The following LIPG variants were observed in gnomAD, a reference collection of about 807,000 sequenced individuals.
LIPG encodes endothelial lipase.
Under a neutral mutation model 51.8 loss-of-function variants are expected in LIPG, and 34 were observed. The ratio of observed to expected loss-of-function variants is 0.66; its 90% CI spans 0.50 to 0.87. LIPG has a LOEUF of 0.87. LIPG is among the 40% of genes least tolerant of loss of function. LIPG has a pLI of 0.00. For synonymous variants in LIPG, 246 were observed against 246.1 expected (o/e 1.00, Z 0.00); for missense variants, 580 against 652.7 (o/e 0.89, Z 1.21).
chr18:49,561,845 GAGCGGGCCCGGGAGGA>G (rs916034926), upstream of LIPG: 33 of 1,254,506 alleles, frequency 2.6e-5, no homozygotes, highest in African/African-American at 4.5e-4. Flanking sequence ...GCTGCCTGCG[GAGCGGGCCCGGGAGGA>G]AGCGGGGCCG....
Position 49,598,020 on chromosome 18 carries a change from A to C in LIPG, c.*7498A>C, listed in dbSNP as rs1200100787. On this transcript the variant is annotated 3_prime_UTR_variant, in exon 10 of 10. Coordinates refer to ENST00000261292, the MANE Select transcript of LIPG (RefSeq NM_006033.4). ...TTTTCCTGCCAGAGATGTCAGTCTT[A>C]CTATTCATCCTGTATCCTCTATTAG... 6.6e-6 allele frequency: 1 copy of C among 152,198 alleles called. No homozygotes were observed. The highest frequency in any genetic ancestry group is 1.5e-5 in the Non-Finnish European group (1 of 68,028). 9.4% of individuals were successfully genotyped at this position (152,198 alleles called of 1,614,324 possible).
intron 4 of LIPG, among the ~76,000 whole-genome samples, chr18:49,570,468 AGATTCTAAGGGT>A (rs984312130): frequency 6.6e-6 from 1 of 152,114 alleles, no homozygotes; most frequent in Non-Finnish European, 1.5e-5. Context: ...CTTACTCCCA[AGATTCTAAGGGT>A]GATCACCTAG....
In LIPG at chr18:49,581,513, A is replaced by G. The variant is rs745482120; in HGVS notation, c.892A>G (p.Thr298Ala). 3.7e-6 allele frequency: 6 copies of G among 1,614,062 alleles called. No individual in the cohort carries two copies. Among genetic ancestry groups the G allele is most frequent in the Admixed American group, 3.3e-5 (2 of 59,996 alleles). ...QDKPSFAFQC[T>A]DSNRFKKGIC... is the part of the protein sequence containing the mutation. ...CAAGCCGAGTTTTGCCTTCCAGTGC[A>G]CTGACTCCAATCGCTTCAAAAAGGG... The change falls in exon 6 of 10, where the codon ACT becomes GCT. Residue 298 changes from threonine to alanine, a missense_variant. Physicochemically the swap from Thr to Ala is moderately conservative, Grantham distance 58. Transcript: ENST00000261292.
rs139206401 is a variant in LIPG at position 49,583,072 on chromosome 18, G to A, written c.1158-484G>A. Reference sequence around the variant, plus strand: ...CCAAGCCAAATGAGAGGGACAGACAGGAAGAGGCTAGGAGTTTGGGGGAGA... The same window carrying A: ...CCAAGCCAAATGAGAGGGACAGACAAGAAGAGGCTAGGAGTTTGGGGGAGA... On this transcript the variant is annotated intron_variant, in intron 7 of 9. Transcript: ENST00000261292. Among the ~76,000 whole-genome samples the A allele has an allele frequency of 4.2e-3, 646 of 152,290 alleles. 5 individuals carry two copies. The highest frequency in any genetic ancestry group is 0.015 in the African/African-American group (619 of 41,558).
chr18:49,589,625 G>C (rs1395270337), intron 9 of LIPG: 1 of 152,378 alleles, frequency 6.6e-6, no homozygotes, highest in Non-Finnish European at 1.5e-5. Flanking sequence ...ACTATGCCTG[G>C]CTAATTTTTG....
intron 4 of LIPG, among the ~76,000 whole-genome samples, chr18:49,574,206 G>T (rs1418011808): frequency 6.6e-6 from 1 of 152,128 alleles, no homozygotes; most frequent in Non-Finnish European, 1.5e-5. Context: ...ATAATCACTT[G>T]GGCTTGGTAA....
intron 4 of LIPG, 75 bp downstream of exon 4, chr18:49,569,623 G>A (rs2084642847): frequency 6.0e-6 from 7 of 1,168,100 alleles, no homozygotes; most frequent in Non-Finnish European, 8.8e-6. Flanking sequence ...AGGCAGCAGA[G>A]TGAGTCATAG....
At chr18:49,561,694 C>G, upstream of LIPG, 1 of 1,245,072 alleles carries the variant, frequency 8.0e-7, no homozygotes, top group Non-Finnish European at 1.0e-6. Flanking sequence ...GGATGCTCTC[C>G]TTCTCCAGGG....
chr18:49,580,076 A>C (rs902259895), intron 5 of LIPG, among the ~76,000 whole-genome samples: 1 of 152,150 alleles, frequency 6.6e-6, no homozygotes, highest in Non-Finnish European at 1.5e-5. Flanking sequence ...GGCCTCCCAA[A>C]GTGCTGGGAT....
chr18:49,584,630 C>T (rs2143972779), intron 8 of LIPG, among the ~76,000 whole-genome samples: 1 of 152,314 alleles, frequency 6.6e-6, no homozygotes, highest in South Asian at 2.1e-4. Context: ...TTACATTCGT[C>T]ATCTATGACA....
intron 8 of LIPG, among the ~76,000 whole-genome samples, chr18:49,585,372 C>G (rs1313306136): frequency 6.6e-6 from 1 of 152,216 alleles, no homozygotes; most frequent in South Asian, 2.1e-4. Flanking sequence ...CGCCTTAGTA[C>G]TTCTGTCTGT....
chr18:49,573,293 T>C (rs1416882902), intron 4 of LIPG, among the ~76,000 whole-genome samples: 3 of 152,224 alleles, frequency 2.0e-5, no homozygotes, highest in African/African-American at 7.2e-5. Context: ...CCTTGCGGCC[T>C]CTGAAATGGG....
At chr18:49,584,184 G>A (rs958431662) in intron 8 of LIPG, among the ~76,000 whole-genome samples, 1 of 152,136 alleles carries the variant, frequency 6.6e-6, no homozygotes, top group African/African-American at 2.4e-5. Context: ...ATCACTTCCA[G>A]AGAGCCCCCA....
rs1007384465 is a variant in LIPG, at chr18:49,598,669, G to A, written c.*8147G>A. 3.9e-5 allele frequency: 6 copies of A among 152,084 alleles called. No individual in the cohort carries two copies. The highest frequency in any genetic ancestry group is 1.2e-4 in the African/African-American group (5 of 41,498). 9.4% of individuals were successfully genotyped at this position (152,084 alleles called of 1,614,324 possible). Reference sequence around the variant, plus strand: ...GTAAATCATATAATTTGACATTTTGGTACAGGAAATCATCATGAAACTGAA... The same window carrying A: ...GTAAATCATATAATTTGACATTTTGATACAGGAAATCATCATGAAACTGAA... On this transcript the variant is annotated 3_prime_UTR_variant, in exon 10 of 10. Transcript: ENST00000261292.
chr18:49,572,943 T>G (rs1056555257), intron 4 of LIPG, among the ~76,000 whole-genome samples: 2 of 152,148 alleles, frequency 1.3e-5, no homozygotes, highest in Non-Finnish European at 2.9e-5. Context: ...CTCCCTGTCA[T>G]TCATCCCTAG....
Position 49,575,561 on chromosome 18 carries a change from A to T in LIPG, c.764A>T (p.Asn255Ile). 3.7e-6 allele frequency: 6 copies of T among 1,614,194 alleles called. No homozygotes were observed. The highest frequency in any genetic ancestry group is 5.1e-6 in the Non-Finnish European group (6 of 1,180,042). Residue 255 changes from asparagine to isoleucine, a missense_variant, in exon 5 of 10, where the codon AAC (asparagine) becomes ATC (isoleucine). Physicochemically the swap from Asn to Ile is moderately radical, Grantham distance 149. Transcript: ENST00000261292. ...GACTTCCAGCCAGGCTGTGGACTCA[A>T]CGATGTCTTGGGATCAATTGCATAT... Reference protein sequence around the residue: ...GGDFQPGCGLNDVLGSIAYGT... With the variant: ...GGDFQPGCGLIDVLGSIAYGT...
intron 1 of LIPG, among the ~76,000 whole-genome samples, chr18:49,564,367 A>C (rs2084580876): frequency 6.6e-6 from 1 of 152,246 alleles, no homozygotes; most frequent in African/African-American, 2.4e-5. Context: ...AAACGGTGTC[A>C]TGATGACAGC....
intron 9 of LIPG, 39 bp downstream of exon 9, chr18:49,586,889 T>A: frequency 7.1e-7 from 1 of 1,418,090 alleles, no homozygotes; most frequent in Non-Finnish European, 1.0e-6. Flanking sequence ...CCAGGACACG[T>A]TGACATGATG....
intron 1 of LIPG, 119 bp downstream of exon 1, chr18:49,562,524 C>T (rs1318913845): frequency 4.6e-6 from 4 of 864,948 alleles, no homozygotes; most frequent in Non-Finnish European, 7.6e-6. Context: ...ACTGCGCTGC[C>T]CATTCTCTCC....
Sources: gnomAD v4.1 joint callset for allele counts (sites outside exome capture counted in the v4.1 genomes callset) on GRCh38, gnomAD v4.1.1 for gene constraint, MANE v1.5 for transcripts, NCBI Gene and HGNC (gene_info 2026-07-23, HGNC 2026-07-21) for gene names.